Variants in NOS1AP observed in about 807,000 individuals in gnomAD.
NOS1AP encodes the protein nitric oxide synthase 1 adaptor protein, also known as carboxyl-terminal PDZ ligand of neuronal nitric oxide synthase protein.
NOS1AP carries 21 observed loss-of-function variants against 56.2 expected under a neutral mutation model. The observed-to-expected ratio is 0.37, with a 90% CI of 0.26 to 0.54. NOS1AP has a LOEUF of 0.54. NOS1AP is among the 20% of genes least tolerant of loss of function. NOS1AP has a pLI of 0.84. For synonymous variants in NOS1AP, 270 were observed against 274.6 expected, an observed-to-expected ratio of 0.98 and a Z score of 0.17; for missense variants, 522 against 657.8, an observed-to-expected ratio of 0.79 and a Z score of 2.26.
At chr1:162,135,743 A>G (rs1190257466) in intron 1 of NOS1AP, among the ~76,000 whole-genome samples, 1 of 152,184 alleles carries the variant, frequency 6.6e-6, no homozygotes, top group Non-Finnish European at 1.5e-5. Context: ...AAAGAGGCTG[A>G]CTTACTTTTG....
At chr1:162,286,719 T>A (rs2101736859) in intron 2 of NOS1AP, among the ~76,000 whole-genome samples, 1 of 152,334 alleles carries the variant, frequency 6.6e-6, no homozygotes, top group Non-Finnish European at 1.5e-5. Flanking sequence ...TATGTACAAT[T>A]ATTTGTCAAT....
At chr1:162,184,469 C>CA (rs1037040851) in intron 2 of NOS1AP, among the ~76,000 whole-genome samples, 4 of 151,992 alleles carry the variant, frequency 2.6e-5, no homozygotes, top group Non-Finnish European at 5.9e-5. Context: ...AACAAACAAA[C>CA]AAAAAAACCC....
intron 2 of NOS1AP, among the ~76,000 whole-genome samples, chr1:162,280,695 G>A (rs1654896384): frequency 6.6e-6 from 1 of 152,096 alleles, no homozygotes; most frequent in Non-Finnish European, 1.5e-5. Context: ...AGCTTCTGTG[G>A]TTCCTTTTGA....
intron 2 of NOS1AP, among the ~76,000 whole-genome samples, chr1:162,253,776 CT>C (rs1250307836): frequency 6.6e-6 from 1 of 152,056 alleles, no homozygotes; most frequent in African/African-American, 2.4e-5. Flanking sequence ...TTAAACATCT[CT>C]TGATTTTTAT....
chr1:162,349,853 AC>A (rs1442761792), intron 6 of NOS1AP, among the ~76,000 whole-genome samples: 1 of 152,162 alleles, frequency 6.6e-6, no homozygotes, highest in African/African-American at 2.4e-5. Context: ...ATGAAGCTAA[AC>A]CATACTTTGA....
intron 1 of NOS1AP, among the ~76,000 whole-genome samples, chr1:162,151,233 A>G (rs1285191926): frequency 6.6e-6 from 1 of 152,170 alleles, no homozygotes; most frequent in Non-Finnish European, 1.5e-5. Flanking sequence ...TTTCCCCAAT[A>G]TATGTTCTTG....
chr1:162,302,581 C>G (rs2661808), intron 4 of NOS1AP, among the ~76,000 whole-genome samples: 139,784 of 152,246 alleles, frequency 0.92, 64,908 homozygotes, highest in East Asian at 1. Flanking sequence ...TCTGCCTTTT[C>G]CTGGTTGAAA....
At chr1:162,341,282 T>C (rs1657098504) in intron 5 of NOS1AP, among the ~76,000 whole-genome samples, 2 of 152,184 alleles carry the variant, frequency 1.3e-5, no homozygotes, top group Non-Finnish European at 1.5e-5. Flanking sequence ...TGAGATGTTA[T>C]AGGAACAAAC....
At chr1:162,104,819 A>T (rs1466811843) in intron 1 of NOS1AP, among the ~76,000 whole-genome samples, 1 of 152,036 alleles carries the variant, frequency 6.6e-6, no homozygotes, top group African/African-American at 2.4e-5. Flanking sequence ...TTTTATCATG[A>T]TTCCTAGCTT....
Position 162,213,742 on chromosome 1 carries a change from CT to C in NOS1AP, c.177+59267del, listed in dbSNP as rs202160440. 3.3e-3 allele frequency among the ~76,000 whole-genome samples: 508 copies of C among 152,326 alleles called. 3 individuals carry two copies. Among genetic ancestry groups the C allele is most frequent in the African/African-American group, 0.012 (480 of 41,580 alleles). ...GCCTGCGGATTTTACTATTTGACCC[CT>C]AGCTCTCCCTTGGAAATACCAAGCC... On this transcript the variant is annotated intron_variant, in intron 2 of 9. Coordinates refer to ENST00000361897, the MANE Select transcript of NOS1AP (RefSeq NM_014697.3).
At chr1:162,135,560 T>C (rs1352579553) in intron 1 of NOS1AP, among the ~76,000 whole-genome samples, 1 of 152,154 alleles carries the variant, frequency 6.6e-6, no homozygotes, top group Non-Finnish European at 1.5e-5. Flanking sequence ...GCAGAAGCCT[T>C]CTGCATCTCC....
intron 4 of NOS1AP, among the ~76,000 whole-genome samples, chr1:162,320,823 C>T (rs1442179557): frequency 2.0e-5 from 3 of 152,036 alleles, no homozygotes; most frequent in Non-Finnish European, 4.4e-5. Flanking sequence ...CACTGCATTC[C>T]AGCCTGGTGA....
At chr1:162,131,695 T>C (rs1297280625) in intron 1 of NOS1AP, among the ~76,000 whole-genome samples, 3 of 152,104 alleles carry the variant, frequency 2.0e-5, no homozygotes, top group Non-Finnish European at 4.4e-5. Flanking sequence ...TTTATGGGCC[T>C]CTTGGACCAT....
intron 5 of NOS1AP, among the ~76,000 whole-genome samples, chr1:162,336,425 G>A (rs1284087192): frequency 1.3e-5 from 2 of 152,190 alleles, no homozygotes; most frequent in African/African-American, 4.8e-5. Context: ...ATATAACTCA[G>A]AAGTTGCTTT....
At chr1:162,325,345 G>A (rs1656550315) in intron 4 of NOS1AP, among the ~76,000 whole-genome samples, 1 of 152,178 alleles carries the variant, frequency 6.6e-6, no homozygotes, top group Non-Finnish European at 1.5e-5. Flanking sequence ...GTGTGAAACT[G>A]TGTTCATGCT....
chr1:162,181,501 T>A (rs1174573532), intron 2 of NOS1AP, among the ~76,000 whole-genome samples: 2 of 152,268 alleles, frequency 1.3e-5, no homozygotes, highest in African/African-American at 4.8e-5. Context: ...TAAGCTTATT[T>A]GCATAATTTT....
chr1:162,307,783 C>T (rs1655886788), intron 4 of NOS1AP, among the ~76,000 whole-genome samples: 1 of 151,372 alleles, frequency 6.6e-6, no homozygotes, highest in African/African-American at 2.4e-5. Flanking sequence ...TGCACTCCTG[C>T]CTGGGTGACA....
intron 1 of NOS1AP, among the ~76,000 whole-genome samples, chr1:162,078,452 A>G (rs1183964870): frequency 6.6e-6 from 1 of 151,990 alleles, no homozygotes; most frequent in Non-Finnish European, 1.5e-5. Flanking sequence ...ACTCTCCTGT[A>G]CCCCACATCA....
intron 4 of NOS1AP, among the ~76,000 whole-genome samples, chr1:162,311,016 T>A (rs2819319): frequency 0.56 from 85,252 of 151,674 alleles, 24,110 homozygotes; most frequent in East Asian, 0.6. Flanking sequence ...GCTCTCTCCT[T>A]TCCTTTTTTT....
Sources: allele counts gnomAD v4.1 joint callset (sites outside exome capture counted in the v4.1 genomes callset), GRCh38; gene constraint gnomAD v4.1.1; transcripts MANE v1.5; gene names NCBI Gene and HGNC (gene_info 2026-07-23, HGNC 2026-07-21).